The following HS3ST4 variants were observed in gnomAD, a reference collection of about 807,000 sequenced individuals.
HS3ST4 encodes heparan sulfate glucosamine 3-O-sulfotransferase 4.
A neutral mutation model predicts 29.2 loss-of-function variants in HS3ST4; 17 were observed. The observed-to-expected ratio is 0.58, with a 90% CI of 0.40 to 0.87. The LOEUF is 0.87. Ranked by LOEUF, HS3ST4 falls within the 40% of genes least tolerant of loss-of-function variation. The pLI is 0.00. For synonymous variants in HS3ST4, 314 were observed against 285.7 expected (o/e 1.10, Z -1.00); for missense variants, 627 against 634.5 (o/e 0.99, Z 0.13).
At chr16:26,132,189 GGAATGAATGAAA>G (rs1387117564) in intron 1 of HS3ST4, among the ~76,000 whole-genome samples, 4 of 152,128 alleles carry the variant, frequency 2.6e-5, no homozygotes, top group African/African-American at 9.7e-5. Context: ...GATCATTTAT[GGAATGAATGAAA>G]GAATGAATGA....
chr16:25,925,545 A>G (rs1968393685), intron 1 of HS3ST4, among the ~76,000 whole-genome samples: 1 of 152,188 alleles, frequency 6.6e-6, no homozygotes, highest in South Asian at 2.1e-4. Context: ...CTGGGGATTA[A>G]GCAGAGAAAC....
intron 1 of HS3ST4, among the ~76,000 whole-genome samples, chr16:25,850,459 C>A (rs1029578751): frequency 3.3e-4 from 51 of 152,312 alleles, no homozygotes; most frequent in Non-Finnish European, 5.4e-4. Context: ...CCTAGCCCCC[C>A]AAATAAGCAT....
chr16:26,100,462 C>T (rs1267793069), intron 1 of HS3ST4, among the ~76,000 whole-genome samples: 4 of 152,046 alleles, frequency 2.6e-5, no homozygotes, highest in African/African-American at 9.7e-5. Context: ...CCTCTCAGAC[C>T]CTCAAAATTT....
At chr16:25,913,332 A>G (rs1274321715) in intron 1 of HS3ST4, among the ~76,000 whole-genome samples, 2 of 152,226 alleles carry the variant, frequency 1.3e-5, no homozygotes, top group Non-Finnish European at 1.5e-5. Flanking sequence ...GCCCCCATGA[A>G]TGGGATTCGT....
At chr16:25,915,438 T>A (rs914749924) in intron 1 of HS3ST4, among the ~76,000 whole-genome samples, 1 of 152,198 alleles carries the variant, frequency 6.6e-6, no homozygotes, top group African/African-American at 2.4e-5. Context: ...CTTCTTGACG[T>A]TTTTGAGGAA....
At chr16:25,821,057 ATTT>A (rs1259738012) in intron 1 of HS3ST4, among the ~76,000 whole-genome samples, 5 of 135,026 alleles carry the variant, frequency 3.7e-5, no homozygotes, top group Non-Finnish European at 3.2e-5. Flanking sequence ...GCGCCTTTGA[ATTT>A]TTTTTTTTTT....
chr16:25,873,165 C>T (rs577548018), intron 1 of HS3ST4, among the ~76,000 whole-genome samples: 1 of 151,514 alleles, frequency 6.6e-6, no homozygotes, highest in Non-Finnish European at 1.5e-5. Context: ...CCACCCATCA[C>T]CCACACACAC....
intron 1 of HS3ST4, among the ~76,000 whole-genome samples, chr16:25,962,963 G>A (rs558520489): frequency 6.6e-6 from 1 of 152,244 alleles, no homozygotes; most frequent in Admixed American, 6.5e-5. Context: ...TCCTCCTACT[G>A]CCACTACCTA....
At chr16:25,890,761 A>C (rs1318761406) in intron 1 of HS3ST4, among the ~76,000 whole-genome samples, 1 of 152,198 alleles carries the variant, frequency 6.6e-6, no homozygotes, top group Non-Finnish European at 1.5e-5. Flanking sequence ...TAGGGTCAAT[A>C]TTGTTAAATA....
intron 1 of HS3ST4, among the ~76,000 whole-genome samples, chr16:25,793,327 T>C (rs1966874357): frequency 6.6e-6 from 1 of 151,978 alleles, no homozygotes; most frequent in Non-Finnish European, 1.5e-5. Context: ...CATGATTTTT[T>C]TGGATATTTT....
chr16:25,964,234 G>A (rs1479686327), intron 1 of HS3ST4, among the ~76,000 whole-genome samples: 1 of 151,846 alleles, frequency 6.6e-6, no homozygotes, highest in Non-Finnish European at 1.5e-5. Flanking sequence ...CCTACAAGGG[G>A]AGGAGTGTGG....
intron 1 of HS3ST4, among the ~76,000 whole-genome samples, chr16:25,800,612 T>C (rs1966924083): frequency 6.6e-6 from 1 of 152,136 alleles, no homozygotes; most frequent in Non-Finnish European, 1.5e-5. Flanking sequence ...TTTTTAAGAT[T>C]TGGCAGTGGT....
At chr16:25,765,972 G>T (rs147346758) in intron 1 of HS3ST4, among the ~76,000 whole-genome samples, 57 of 152,272 alleles carry the variant, frequency 3.7e-4, no homozygotes, top group African/African-American at 1.3e-3. Flanking sequence ...ACTGTGGTTA[G>T]GGAGCGGTCC....
intron 1 of HS3ST4, among the ~76,000 whole-genome samples, chr16:25,934,870 C>T (rs963050637): frequency 5.9e-5 from 9 of 152,098 alleles, no homozygotes; most frequent in African/African-American, 1.9e-4. Flanking sequence ...CCCCTGCCCC[C>T]GCAACCACGC....
intron 1 of HS3ST4, among the ~76,000 whole-genome samples, chr16:25,884,069 T>A (rs1356081902): frequency 6.6e-6 from 1 of 151,604 alleles, no homozygotes; most frequent in African/African-American, 2.4e-5. Flanking sequence ...GCCAAGATCA[T>A]GCCACTGCAC....
At chr16:26,084,744 C>T (rs1347607194) in intron 1 of HS3ST4, among the ~76,000 whole-genome samples, 2 of 152,092 alleles carry the variant, frequency 1.3e-5, no homozygotes, top group African/African-American at 4.8e-5. Context: ...ACCTCCATGA[C>T]TGGCTAATTA....
At chr16:25,768,890 C>G (rs1005914831) in intron 1 of HS3ST4, among the ~76,000 whole-genome samples, 6 of 152,164 alleles carry the variant, frequency 3.9e-5, no homozygotes, top group African/African-American at 1.2e-4. Context: ...CTGCATTGCA[C>G]TGGCTCTGGT....
rs540290191 is a variant in HS3ST4, at chr16:25,728,325, A to G, written c.734+35174A>G. 1.3e-4 allele frequency among the ~76,000 whole-genome samples: 20 copies of G among 152,254 alleles called. No homozygotes were observed. The South Asian group carries it at 2.9e-3, about 22-fold the overall frequency. ...TGTATTTTTTCAGTAAGTTTATTATATTCAGCTTTTAGAGTAATTCTGACT... is the reference window on the plus strand; with the variant it reads ...TGTATTTTTTCAGTAAGTTTATTATGTTCAGCTTTTAGAGTAATTCTGACT... On this transcript the variant is annotated intron_variant, in intron 1 of 1. Transcript: ENST00000331351.
chr16:25,701,507 G>T (rs1966334542), intron 1 of HS3ST4, among the ~76,000 whole-genome samples: 1 of 152,186 alleles, frequency 6.6e-6, no homozygotes, highest in Admixed American at 6.5e-5. Context: ...AAAAGTGGGG[G>T]CCAGTTAAGC....
Sources: gnomAD v4.1 joint callset for allele counts (sites outside exome capture counted in the v4.1 genomes callset) on GRCh38, gnomAD v4.1.1 for gene constraint, MANE v1.5 for transcripts, NCBI Gene and HGNC (gene_info 2026-07-23, HGNC 2026-07-21) for gene names.